Variants in ELMO1 observed in about 807,000 individuals in gnomAD.
ELMO1 encodes the protein engulfment and cell motility protein 1.
ELMO1 carries 26 observed loss-of-function variants against 98.9 expected under a neutral mutation model. That is an observed-to-expected ratio of 0.26 (90% CI 0.19 to 0.36). The LOEUF is 0.36. Ranked by LOEUF, ELMO1 falls within the 10% of genes least tolerant of loss-of-function variation. ELMO1 has a pLI of 1.00. For missense variants in ELMO1, 627 were observed against 935.2 expected (o/e 0.67, Z 4.30); for synonymous variants, 346 against 346.0 (o/e 1.00, Z 0.00).
At chr7:37,312,846 T>C in intron 4 of ELMO1, among the ~76,000 whole-genome samples, 1 of 152,202 alleles carries the variant, frequency 6.6e-6, no homozygotes, top group East Asian at 1.9e-4. Flanking sequence ...GTATTATACA[T>C]GTGGGTAGGT....
At chr7:37,166,951 C>A (rs1789746327) in intron 13 of ELMO1, among the ~76,000 whole-genome samples, 1 of 151,878 alleles carries the variant, frequency 6.6e-6, no homozygotes, top group African/African-American at 2.4e-5. Flanking sequence ...TAAAGTCTCC[C>A]ATTATTAATG....
At chr7:37,387,925 G>C (rs893001582) in intron 1 of ELMO1, among the ~76,000 whole-genome samples, 2 of 152,104 alleles carry the variant, frequency 1.3e-5, no homozygotes, top group Non-Finnish European at 2.9e-5. Context: ...TTGACCCCCT[G>C]GGCTCAATAG....
intron 13 of ELMO1, among the ~76,000 whole-genome samples, chr7:37,134,801 T>C (rs1787157898): frequency 6.6e-6 from 1 of 152,192 alleles, no homozygotes; most frequent in South Asian, 2.1e-4. Flanking sequence ...TTAAGTGACA[T>C]AACTCAGAAA....
At chr7:37,141,968 C>T (rs960110209) in intron 13 of ELMO1, among the ~76,000 whole-genome samples, 2 of 152,216 alleles carry the variant, frequency 1.3e-5, no homozygotes, top group Non-Finnish European at 2.9e-5. Flanking sequence ...AAGAGCATCG[C>T]TGTCCACAAC....
chr7:37,429,297 G>A (rs190934125), intron 1 of ELMO1: 6 of 152,346 alleles, frequency 3.9e-5, no homozygotes, highest in African/African-American at 1.4e-4. Context: ...CTCCTTCAGT[G>A]ATTCCACATC....
At position 36,970,475 on chromosome 7, in the gene ELMO1, G is replaced by A. The variant is rs1388494550; in HGVS notation, c.1437+42824C>T. The stretch of plus-strand genomic sequence containing the variant: ...GTGGACTGCAACTTAGTCCACTGGA[G>A]GCTTCCCACTCTGTGGTTAACTAGC... On this transcript the variant is annotated intron_variant, in intron 16 of 21. Transcript: ENST00000310758. 7.9e-5 allele frequency among the ~76,000 whole-genome samples: 12 copies of A among 152,284 alleles called. No individual in the cohort carries two copies. The East Asian group carries it at 2.3e-3, about 29-fold the overall frequency.
chr7:37,202,565 T>C (rs951670532), intron 13 of ELMO1, among the ~76,000 whole-genome samples: 5 of 152,212 alleles, frequency 3.3e-5, no homozygotes, highest in Admixed American at 1.3e-4. Context: ...GGATGCGGTA[T>C]TTTGGTATAG....
chr7:37,138,917 A>G (rs2129306047), intron 13 of ELMO1, among the ~76,000 whole-genome samples: 1 of 152,338 alleles, frequency 6.6e-6, no homozygotes, highest in African/African-American at 2.4e-5. Context: ...GGGATGGTTT[A>G]ACACATATAA....
chr7:37,052,442 G>A (rs1472141622), intron 15 of ELMO1, among the ~76,000 whole-genome samples: 2 of 152,122 alleles, frequency 1.3e-5, no homozygotes, highest in South Asian at 2.1e-4. Context: ...TATTCTATCA[G>A]AGCTCTCATC....
chr7:37,063,801 T>C (rs1464012167), intron 15 of ELMO1, among the ~76,000 whole-genome samples: 2 of 152,100 alleles, frequency 1.3e-5, no homozygotes, highest in Non-Finnish European at 2.9e-5. Context: ...CACTCAAGTT[T>C]TTGAAGACTG....
At chr7:37,191,672 C>A (rs1440999983) in intron 13 of ELMO1, among the ~76,000 whole-genome samples, 1 of 152,236 alleles carries the variant, frequency 6.6e-6, no homozygotes, top group Admixed American at 6.5e-5. Context: ...GTAATCCCAG[C>A]ACTTTGGGAG....
chr7:37,242,856 C>T (rs1239297800), intron 7 of ELMO1, among the ~76,000 whole-genome samples: 1 of 152,204 alleles, frequency 6.6e-6, no homozygotes, highest in African/African-American at 2.4e-5. Context: ...CTGAGGCTCT[C>T]TGCCACCCCA....
At chr7:37,318,163 C>T (rs1017746853) in intron 2 of ELMO1, among the ~76,000 whole-genome samples, 1 of 152,194 alleles carries the variant, frequency 6.6e-6, no homozygotes, top group Non-Finnish European at 1.5e-5. Context: ...CTGTTTATGG[C>T]TCTTGCTGTG....
intron 6 of ELMO1, among the ~76,000 whole-genome samples, chr7:37,250,633 A>C (rs1049162020): frequency 6.6e-6 from 1 of 152,000 alleles, no homozygotes; most frequent in Non-Finnish European, 1.5e-5. Flanking sequence ...TCTACTAAAA[A>C]CACAAAAAAT....
At chr7:37,192,894 ATC>A (rs1791694111) in intron 13 of ELMO1, among the ~76,000 whole-genome samples, 2 of 145,218 alleles carry the variant, frequency 1.4e-5, no homozygotes, top group Non-Finnish European at 1.5e-5. Flanking sequence ...ATATATATTT[ATC>A]TATAGATACA....
intron 1 of ELMO1, among the ~76,000 whole-genome samples, chr7:37,401,801 T>A (rs1331827259): frequency 6.6e-6 from 1 of 152,092 alleles, no homozygotes; most frequent in Non-Finnish European, 1.5e-5. Context: ...CAATTCAAGA[T>A]GAGATTTGGG....
At chr7:36,994,457 C>T (rs1021243320) in intron 16 of ELMO1, among the ~76,000 whole-genome samples, 3 of 152,212 alleles carry the variant, frequency 2.0e-5, no homozygotes, top group African/African-American at 7.2e-5. Flanking sequence ...GTTAACTTAG[C>T]CAAGAAGACA....
chr7:37,401,065 C>T (rs1310100643), intron 1 of ELMO1, among the ~76,000 whole-genome samples: 1 of 152,054 alleles, frequency 6.6e-6, no homozygotes, highest in Non-Finnish European at 1.5e-5. Flanking sequence ...CAAAGGAAAA[C>T]CCCTAGGAAC....
intron 2 of ELMO1, among the ~76,000 whole-genome samples, chr7:37,328,866 T>G (rs1799958035): frequency 6.6e-6 from 1 of 152,172 alleles, no homozygotes; most frequent in Admixed American, 6.5e-5. Context: ...AACCTCAAAC[T>G]CAAATCTTAC....
Sources: gnomAD v4.1 joint callset for allele counts (sites outside exome capture counted in the v4.1 genomes callset) on GRCh38, gnomAD v4.1.1 for gene constraint, MANE v1.5 for transcripts, NCBI Gene and HGNC (gene_info 2026-07-23, HGNC 2026-07-21) for gene names.